RBFOX1: variants seen among roughly 807,000 people sequenced by gnomAD.
RBFOX1 encodes the protein RNA binding fox-1 homolog 1, also known as RNA binding protein fox-1 homolog 1.
In RBFOX1, 8 loss-of-function variants were observed where a neutral mutation model predicts 57.7. That is an observed-to-expected ratio of 0.14 (90% CI 0.08 to 0.25). The LOEUF (loss-of-function observed/expected upper bound fraction) is 0.25, where lower values mean the gene tolerates loss of function less well. RBFOX1 is among the 10% of genes least tolerant of loss of function. The probability of loss-of-function intolerance (pLI) is 1.00; values close to 1 mark genes in which losing one functional copy is unlikely to be tolerated. For synonymous variants in RBFOX1, 326 were observed against 222.4 expected (o/e 1.47, Z -4.15); for missense variants, 611 against 548.5 (o/e 1.11, Z -1.14).
intron 3 of RBFOX1, among the ~76,000 whole-genome samples, chr16:6,886,782 A>AT (rs2064145542): frequency 2.8e-5 from 4 of 144,268 alleles, no homozygotes; most frequent in East Asian, 4.0e-4. Flanking sequence ...ACAAAACAAA[A>AT]CAAAAAAAAA....
chr16:7,377,985 C>T (rs374343153), intron 4 of RBFOX1, among the ~76,000 whole-genome samples: 4 of 151,996 alleles, frequency 2.6e-5, no homozygotes, highest in Admixed American at 6.6e-5. Context: ...AGGAAGAGCA[C>T]GGGGAACAGA....
At chr16:7,643,116 A>G (rs2063125900) in intron 11 of RBFOX1, among the ~76,000 whole-genome samples, 1 of 152,224 alleles carries the variant, frequency 6.6e-6, no homozygotes, top group South Asian at 2.1e-4. Flanking sequence ...CAGGAACAGC[A>G]CGCCAATTAG....
chr16:6,529,810 ATTTC>A (rs1191548369), intron 2 of RBFOX1, among the ~76,000 whole-genome samples: 6 of 152,044 alleles, frequency 3.9e-5, no homozygotes, highest in African/African-American at 1.2e-4. Context: ...TCTTGTTGAT[ATTTC>A]TTTAACATTT....
chr16:7,099,044 C>G (rs537102876), intron 4 of RBFOX1, among the ~76,000 whole-genome samples: 1 of 152,154 alleles, frequency 6.6e-6, no homozygotes, highest in African/African-American at 2.4e-5. Context: ...AAATAGTTCA[C>G]AAACTATCCT....
chr16:7,627,487 A>T (rs2060259689), intron 10 of RBFOX1, among the ~76,000 whole-genome samples: 1 of 152,328 alleles, frequency 6.6e-6, no homozygotes, highest in East Asian at 1.9e-4. Flanking sequence ...TCATCATGTG[A>T]TACAAATGAA....
chr16:6,560,194 A>AT (rs1381865521), intron 2 of RBFOX1, among the ~76,000 whole-genome samples: 40 of 140,420 alleles, frequency 2.8e-4, no homozygotes, highest in African/African-American at 8.7e-4. Flanking sequence ...AAAAAAAAAA[A>AT]GTCAAGCCCT....
chr16:5,866,560 G>A (rs1246430797), intron 3 of RBFOX1, among the ~76,000 whole-genome samples: 3 of 152,160 alleles, frequency 2.0e-5, no homozygotes, highest in Non-Finnish European at 4.4e-5. Flanking sequence ...CCCTTTCTAG[G>A]CATAGATGAA....
intron 1 of RBFOX1, among the ~76,000 whole-genome samples, chr16:6,189,292 G>A (rs553129689): frequency 6.6e-6 from 1 of 152,230 alleles, no homozygotes; most frequent in African/African-American, 2.4e-5. Context: ...CTGGAAAGGG[G>A]GCCCTGGAGT....
At chr16:5,401,813 C>T (rs1001665721) in intron 1 of RBFOX1, among the ~76,000 whole-genome samples, 4 of 151,456 alleles carry the variant, frequency 2.6e-5, no homozygotes, top group African/African-American at 9.7e-5. Flanking sequence ...CCTCCTTCTC[C>T]TTCTCGTGCT....
rs116766206 is a variant in RBFOX1, at chr16:6,516,395, G to T, written c.-63-138208G>T. ...GGCTTCAAACCCATATCACATAGTTGTAAGAAATAATAAAAGGTGATCATG... is the reference window on the plus strand; with the variant it reads ...GGCTTCAAACCCATATCACATAGTTTTAAGAAATAATAAAAGGTGATCATG... On this transcript the variant is annotated intron_variant, in intron 2 of 15. Transcript: ENST00000550418. Among the ~76,000 whole-genome samples the T allele has an allele frequency of 1.6e-3, 250 of 152,260 alleles. 4 individuals are homozygous for T. The highest frequency in any genetic ancestry group is 5.9e-3 in the African/African-American group (246 of 41,556).
intron 2 of RBFOX1, among the ~76,000 whole-genome samples, chr16:5,518,207 G>A (rs1162403733): frequency 6.6e-6 from 1 of 152,160 alleles, no homozygotes; most frequent in East Asian, 1.9e-4. Flanking sequence ...GATGGATGAT[G>A]TTCCTTGGTT....
intron 1 of RBFOX1, among the ~76,000 whole-genome samples, chr16:5,340,042 A>C (rs1243627710): frequency 6.6e-6 from 1 of 152,220 alleles, no homozygotes; most frequent in Non-Finnish European, 1.5e-5. Context: ...CAGCAAAATC[A>C]GTATGGGCCA....
intron 4 of RBFOX1, among the ~76,000 whole-genome samples, chr16:7,437,257 C>G (rs2058299): frequency 0.028 from 3,758 of 134,532 alleles, 60 homozygotes; most frequent in Middle Eastern, 0.043. Flanking sequence ...TTTGCCCCCC[C>G]CCCCTTTCTG....
At chr16:7,414,643 A>C (rs2098461755) in intron 4 of RBFOX1, among the ~76,000 whole-genome samples, 1 of 152,114 alleles carries the variant, frequency 6.6e-6, no homozygotes, top group South Asian at 2.1e-4. Context: ...TTTGAGATCA[A>C]AGCTCACTCT....
chr16:6,951,552 G>A (rs1258372550), intron 3 of RBFOX1, among the ~76,000 whole-genome samples: 1 of 151,914 alleles, frequency 6.6e-6, no homozygotes, highest in African/African-American at 2.4e-5. Flanking sequence ...GGAATATTGG[G>A]GACTACTAAG....
At chr16:5,751,349 C>G (rs2053194253) in intron 3 of RBFOX1, among the ~76,000 whole-genome samples, 2 of 104,334 alleles carry the variant, frequency 1.9e-5, no homozygotes, top group East Asian at 4.3e-4. Flanking sequence ...CATCCCTTAT[C>G]TTTCTTTTTC....
chr16:6,622,499 C>T lies in RBFOX1; in HGVS notation c.-63-32104C>T, dbSNP rs559218511. 1.2e-4 allele frequency among the ~76,000 whole-genome samples: 19 copies of T among 152,210 alleles called. No individual in the cohort carries two copies. In the East Asian group the frequency reaches 3.5e-3, roughly 28 times the overall value. On this transcript the variant is annotated intron_variant, in intron 2 of 15. Transcript: ENST00000550418. ...GAGTGTGTGTGTGTAGTAGGCTACA[C>T]CATCTAGGTTTGTATAACTGCACCG... is the stretch of plus-strand genomic sequence containing the variant.
At chr16:7,503,833 G>A (rs969679294) in intron 4 of RBFOX1, among the ~76,000 whole-genome samples, 4 of 152,104 alleles carry the variant, frequency 2.6e-5, no homozygotes, top group Admixed American at 2.6e-4. Flanking sequence ...GTCCATACAA[G>A]TATATCTGTG....
At chr16:6,631,808 G>A (rs1567962090) in intron 2 of RBFOX1, among the ~76,000 whole-genome samples, 2 of 152,100 alleles carry the variant, frequency 1.3e-5, no homozygotes, top group Non-Finnish European at 2.9e-5. Context: ...GCTCTGCAGG[G>A]GGCGGGGGTA....
Sources: gnomAD v4.1 joint callset for allele counts (sites outside exome capture counted in the v4.1 genomes callset) on GRCh38, gnomAD v4.1.1 for gene constraint, MANE v1.5 for transcripts, NCBI Gene and HGNC (gene_info 2026-07-23, HGNC 2026-07-21) for gene names.